The following MCTP2 variants were observed in gnomAD, a reference collection of about 807,000 sequenced individuals.
MCTP2 encodes the protein multiple C2 and transmembrane domain containing 2, also known as multiple C2 and transmembrane domain-containing protein 2.
Under a neutral mutation model 111.6 loss-of-function variants are expected in MCTP2, and 132 were observed. The ratio of observed to expected loss-of-function variants is 1.18; its 90% confidence interval spans 1.03 to 1.37. The LOEUF (loss-of-function observed/expected upper bound fraction) is 1.37, where lower values mean the gene tolerates loss of function less well. MCTP2 is among the 40% of genes most tolerant of loss of function. The pLI, the probability that MCTP2 is intolerant of heterozygous loss-of-function variation, is 0.00. For synonymous variants in MCTP2, 395 were observed against 387.7 expected (o/e 1.02, Z -0.22); for missense variants, 1,183 against 1,067.9 (o/e 1.11, Z -1.50).
At chr15:94,238,027 G>A (rs1270792834) in intron 1 of MCTP2, among the ~76,000 whole-genome samples, 1 of 151,980 alleles carries the variant, frequency 6.6e-6, no homozygotes, top group African/African-American at 2.4e-5. Context: ...TTTCTTGAAC[G>A]TATTTCATTG....
chr15:94,458,674 A>G (rs978413757), intron 20 of MCTP2, among the ~76,000 whole-genome samples: 1 of 152,218 alleles, frequency 6.6e-6, no homozygotes, highest in African/African-American at 2.4e-5. Flanking sequence ...AAAGATACAC[A>G]TCTAGTAGCA....
intron 17 of MCTP2, among the ~76,000 whole-genome samples, chr15:94,434,856 T>TC (rs1042622858): frequency 7.2e-6 from 1 of 138,136 alleles, no homozygotes; most frequent in Non-Finnish European, 1.5e-5. Flanking sequence ...TTTCTTTCTT[T>TC]CTTTTTTTTT....
intron 4 of MCTP2, among the ~76,000 whole-genome samples, chr15:94,330,068 C>G (rs907305198): frequency 2.6e-5 from 4 of 152,172 alleles, no homozygotes; most frequent in Admixed American, 2.6e-4. Context: ...TTTTTCTATG[C>G]CTGGCTTATT....
At chr15:94,382,990 G>C (rs1353014438) in intron 12 of MCTP2, among the ~76,000 whole-genome samples, 1 of 152,196 alleles carries the variant, frequency 6.6e-6, no homozygotes, top group Non-Finnish European at 1.5e-5. Context: ...TAGGTTTTTT[G>C]GTGTGCAAAT....
intron 14 of MCTP2, among the ~76,000 whole-genome samples, chr15:94,387,097 TCTCTCCTTC>T (rs1023491829): frequency 6.5e-4 from 99 of 152,008 alleles, no homozygotes; most frequent in African/African-American, 2.3e-3. Context: ...TCTTCCTTTT[TCTCTCCTTC>T]CTCTCCTCCC....
At chr15:94,244,370 A>G (rs140982420) in intron 1 of MCTP2, among the ~76,000 whole-genome samples, 2 of 149,738 alleles carry the variant, frequency 1.3e-5, no homozygotes, top group East Asian at 2.0e-4. Context: ...ATGTATATAT[A>G]CGTATATGTA....
In MCTP2 at chr15:94,340,944, C is replaced by T. The variant is rs993228526; in HGVS notation, c.969+20C>T. On this transcript the variant is annotated intron_variant, in intron 7 of 22. Coordinates refer to ENST00000357742, the MANE Select transcript of MCTP2 (RefSeq NM_001385001.1). ...AGACACGTAAGTGGGACCTTCTATT[C>T]TTTTGAAACCTCTCATTTTGTCGTT... 6.9e-7 allele frequency: 1 copy of T among 1,441,860 alleles called. No individual in the cohort carries two copies. The highest frequency in any genetic ancestry group is 9.8e-7 in the Non-Finnish European group (1 of 1,023,992). The allele number at this position is 1,441,860 out of a possible 1,614,324, so 89.3% of individuals were successfully genotyped here.
chr15:94,306,042 A>T (rs947344135), intron 2 of MCTP2, among the ~76,000 whole-genome samples: 3 of 152,136 alleles, frequency 2.0e-5, no homozygotes, highest in African/African-American at 7.2e-5. Context: ...TGAAATTGGG[A>T]TTAGACACAG....
At chr15:94,258,383 C>A (rs952007765) in intron 1 of MCTP2, among the ~76,000 whole-genome samples, 2 of 152,054 alleles carry the variant, frequency 1.3e-5, no homozygotes, top group Admixed American at 6.5e-5. Context: ...ATCTTTTTAT[C>A]CTGCCTCTGC....
At chr15:94,307,940 T>C (rs1201896676) in intron 2 of MCTP2, among the ~76,000 whole-genome samples, 1 of 151,518 alleles carries the variant, frequency 6.6e-6, no homozygotes, top group African/African-American at 2.4e-5. Context: ...ACATAGGCTG[T>C]TTTATGACTA....
At chr15:94,280,500 T>A (rs1463139707) in intron 1 of MCTP2, among the ~76,000 whole-genome samples, 2 of 151,924 alleles carry the variant, frequency 1.3e-5, no homozygotes, top group Non-Finnish European at 2.9e-5. Flanking sequence ...CTTCTCTTTT[T>A]TTTTTCTTCA....
At chr15:94,421,053 C>T (rs539457837) in intron 17 of MCTP2, among the ~76,000 whole-genome samples, 31 of 151,860 alleles carry the variant, frequency 2.0e-4, no homozygotes, top group African/African-American at 7.5e-4. Context: ...AACCCTCCAC[C>T]AGCAAAAAGG....
In MCTP2 at chr15:94,370,124, G is replaced by A; in HGVS notation, c.1526G>A (p.Gly509Asp). The change falls in exon 12 of 23, where the codon GGC becomes GAC. Residue 509 changes from glycine to aspartate, a missense_variant. Transcript: ENST00000357742. ...QNSLKDVKDV[G>D]ILQVKVLKAA... ...TCCCTGAAAGATGTGAAAGACGTCG[G>A]CATTCTACAAGTGAAGGTTTTAAAG... The A allele has an allele frequency of 1.9e-6, 3 of 1,613,018 alleles. No individual in the cohort carries two copies. The highest frequency in any genetic ancestry group is 2.2e-5 in the South Asian group (2 of 90,984).
At chr15:94,478,712 G>C (rs964938276) in intron 22 of MCTP2, among the ~76,000 whole-genome samples, 2 of 152,188 alleles carry the variant, frequency 1.3e-5, no homozygotes, top group Non-Finnish European at 2.9e-5. Flanking sequence ...TCATCTAGCA[G>C]TGCCCAGCGA....
At chr15:94,308,228 T>A (rs577011347) in intron 2 of MCTP2, among the ~76,000 whole-genome samples, 2 of 152,294 alleles carry the variant, frequency 1.3e-5, no homozygotes, top group South Asian at 4.1e-4. Context: ...GAATTTTAGG[T>A]ATATTTTTCA....
intron 17 of MCTP2, among the ~76,000 whole-genome samples, chr15:94,438,845 C>T (rs2083619009): frequency 6.6e-6 from 1 of 152,104 alleles, no homozygotes; most frequent in South Asian, 2.1e-4. Context: ...TGATTTATCA[C>T]TCTAGAAGTA....
At chr15:94,440,682 T>C (rs2083729341) in intron 18 of MCTP2, among the ~76,000 whole-genome samples, 1 of 152,194 alleles carries the variant, frequency 6.6e-6, no homozygotes, top group African/African-American at 2.4e-5. Flanking sequence ...CAGGGCTAAC[T>C]CTGGCCTTTC....
chr15:94,276,604 A>G (rs1262255005), intron 1 of MCTP2, among the ~76,000 whole-genome samples: 1 of 145,146 alleles, frequency 6.9e-6, no homozygotes, highest in African/African-American at 2.7e-5. Context: ...TGGACAAATA[A>G]TAATATGTTC....
chr15:94,462,674 C>A (rs527779481), intron 20 of MCTP2, among the ~76,000 whole-genome samples: 1 of 152,128 alleles, frequency 6.6e-6, no homozygotes, highest in East Asian at 1.9e-4. Context: ...ACTACAGAAG[C>A]AATGAAGACG....
Sources: allele counts gnomAD v4.1 joint callset (sites outside exome capture counted in the v4.1 genomes callset), GRCh38; gene constraint gnomAD v4.1.1; transcripts MANE v1.5; gene names NCBI Gene and HGNC (gene_info 2026-07-23, HGNC 2026-07-21).